The following ZNF248 variants were observed in gnomAD, a reference collection of about 807,000 sequenced individuals.
ZNF248 encodes the protein KRAB protein domain.
ZNF248 carries 20 observed loss-of-function variants against 44.3 expected under a neutral mutation model. The ratio of observed to expected loss-of-function variants is 0.45; its 90% CI spans 0.32 to 0.66. ZNF248 has a LOEUF of 0.66. ZNF248 is among the 30% of genes least tolerant of loss of function. The probability of loss-of-function intolerance (pLI) is 0.04; values close to 1 mark genes in which losing one functional copy is unlikely to be tolerated. For synonymous variants in ZNF248, 224 were observed against 229.0 expected, an observed-to-expected ratio of 0.98 and a Z score of 0.20; for missense variants, 654 against 677.0, an observed-to-expected ratio of 0.97 and a Z score of 0.38.
At chr10:37,766,026 A>G in the ZNF248 span, among the ~76,000 whole-genome samples, 1 of 152,252 alleles carries the variant, frequency 6.6e-6, no homozygotes, top group Non-Finnish European at 1.5e-5. Context: ...CAGCAGTCTG[A>G]GATCAAACTG....
At chr10:37,807,230 C>A (rs1202018316) in intron 6 of ZNF248, among the ~76,000 whole-genome samples, 1 of 152,070 alleles carries the variant, frequency 6.6e-6, no homozygotes, top group East Asian at 1.9e-4. Context: ...TTTTTGAGGG[C>A]CTCTTGGCTT....
At chr10:37,786,790 TG>T (rs1182198798) in intron 6 of ZNF248, among the ~76,000 whole-genome samples, 1 of 152,216 alleles carries the variant, frequency 6.6e-6, no homozygotes, top group African/African-American at 2.4e-5. Flanking sequence ...TTACATGAAC[TG>T]AATAAAGAGG....
At position 37,831,193 on chromosome 10, in the gene ZNF248, A is replaced by G. The variant is rs532486464; in HGVS notation, c.*422T>C. ...ATGATCATGTTGAGTTCCAATATAC[A>G]AATCAAGCATACTCAAATTTATATA... is the stretch of plus-strand genomic sequence containing the variant. On this transcript the variant is annotated 3_prime_UTR_variant, in exon 6 of 6. Coordinates refer to ENST00000395867, the MANE Select transcript of ZNF248 (RefSeq NM_021045.3). The G allele has an allele frequency of 1.3e-6, 2 of 1,541,220 alleles. No individual in the cohort carries two copies. The highest frequency in any genetic ancestry group is 1.8e-6 in the Non-Finnish European group (2 of 1,142,150).
chr10:37,804,106 T>C (rs908842437), intron 6 of ZNF248, among the ~76,000 whole-genome samples: 9 of 141,678 alleles, frequency 6.4e-5, no homozygotes, highest in South Asian at 2.2e-4. Flanking sequence ...TTTTTCTTTT[T>C]TTTTTTTTTT....
chr10:37,822,416 G>GA (rs930001262), intron 6 of ZNF248, among the ~76,000 whole-genome samples: 15 of 151,752 alleles, frequency 9.9e-5, no homozygotes, highest in South Asian at 4.2e-4. Context: ...AAACAAAAAT[G>GA]AAAAAAAATT....
intron 6 of ZNF248, among the ~76,000 whole-genome samples, chr10:37,815,477 T>C (rs757686736): frequency 5.9e-5 from 9 of 152,096 alleles, no homozygotes; most frequent in Non-Finnish European, 1.0e-4. Context: ...TGTTGTACTT[T>C]TCAGCTCCAG....
At chr10:37,785,355 G>A (rs755856044) in intron 6 of ZNF248, among the ~76,000 whole-genome samples, 1 of 152,182 alleles carries the variant, frequency 6.6e-6, no homozygotes, top group Non-Finnish European at 1.5e-5. Context: ...TATTGACTAT[G>A]TGACTACAGC....
At chr10:37,780,004 G>T (rs1174405441) in intron 6 of ZNF248, among the ~76,000 whole-genome samples, 31 of 149,608 alleles carry the variant, frequency 2.1e-4, no homozygotes, top group African/African-American at 4.9e-4. Flanking sequence ...CACTGCTCAA[G>T]GAAATAAAAG....
At chr10:37,788,876 CTTT>C (rs58103226) in intron 6 of ZNF248, among the ~76,000 whole-genome samples, 1 of 146,348 alleles carries the variant, frequency 6.8e-6, no homozygotes, top group Admixed American at 6.9e-5. Flanking sequence ...TCTAGAAAGA[CTTT>C]TTTTTTTTTT....
chr10:37,821,043 A>T, intron 6 of ZNF248: 1 of 1,021,670 alleles, frequency 9.8e-7, no homozygotes, highest in Non-Finnish European at 1.5e-6. Flanking sequence ...AGACCTACAT[A>T]ATTTTAATCA....
chr10:37,785,796 T>C (rs1452178477), intron 6 of ZNF248, among the ~76,000 whole-genome samples: 1 of 152,186 alleles, frequency 6.6e-6, no homozygotes, highest in Non-Finnish European at 1.5e-5. Context: ...GCAAGAAAAG[T>C]GAGCTAAGGT....
At chr10:37,783,696 T>C (rs1349060095) in intron 6 of ZNF248, among the ~76,000 whole-genome samples, 1 of 152,212 alleles carries the variant, frequency 6.6e-6, no homozygotes, top group African/African-American at 2.4e-5. Flanking sequence ...CCAGTTTTCC[T>C]CCTTGAACCA....
At chr10:37,846,462 C>T (rs1210089135) in intron 3 of ZNF248, among the ~76,000 whole-genome samples, 1 of 151,918 alleles carries the variant, frequency 6.6e-6, no homozygotes, top group Non-Finnish European at 1.5e-5. Flanking sequence ...GATCTGGTGG[C>T]AGGACCCTGT....
intron 3 of ZNF248, among the ~76,000 whole-genome samples, chr10:37,852,138 T>TC (rs1022271618): frequency 1.6e-4 from 24 of 151,828 alleles, no homozygotes; most frequent in African/African-American, 5.8e-4. Flanking sequence ...TCCCAGCTAC[T>TC]CGGGAGTCTG....
chr10:37,819,255 G>A, intron 6 of ZNF248: 1 of 878,584 alleles, frequency 1.1e-6, no homozygotes. Context: ...TGCCGTTTCA[G>A]ATAGAAGTTT....
the ZNF248 span, among the ~76,000 whole-genome samples, chr10:37,767,054 C>A: frequency 2.0e-5 from 3 of 151,768 alleles, no homozygotes; most frequent in Non-Finnish European, 4.4e-5. Flanking sequence ...TGAAATGAAG[C>A]AAGAAGGGAA....
chr10:37,817,158 C>T (rs1039072014), intron 6 of ZNF248, among the ~76,000 whole-genome samples: 14 of 152,080 alleles, frequency 9.2e-5, no homozygotes, highest in African/African-American at 3.4e-4. Context: ...GGCAAGGGAG[C>T]TCTGTTTTCT....
the ZNF248 span, among the ~76,000 whole-genome samples, chr10:37,762,573 G>T: frequency 6.6e-6 from 1 of 152,260 alleles, no homozygotes; most frequent in East Asian, 1.9e-4. Flanking sequence ...GGGGGATGGG[G>T]GGTTAAGAAA....
chr10:37,796,990 G>A (rs1158318960), intron 6 of ZNF248, among the ~76,000 whole-genome samples: 1 of 151,904 alleles, frequency 6.6e-6, no homozygotes, highest in Non-Finnish European at 1.5e-5. Flanking sequence ...TGGAAGATAA[G>A]AAAGGAGAGA....
Sources: gnomAD v4.1 joint callset for allele counts (sites outside exome capture counted in the v4.1 genomes callset) on GRCh38, gnomAD v4.1.1 for gene constraint, MANE v1.5 for transcripts, NCBI Gene and HGNC (gene_info 2026-07-23, HGNC 2026-07-21) for gene names.